The following LPP variants were observed in gnomAD, a reference collection of about 807,000 sequenced individuals.
The protein encoded by LPP is LIM domain containing preferred translocation partner in lipoma.
A neutral mutation model predicts 60.4 loss-of-function variants in LPP; 38 were observed. That is an observed-to-expected ratio of 0.63 (90% confidence interval 0.49 to 0.83). LPP has a LOEUF of 0.83. Among genes scored for constraint, LPP ranks in the 40% least tolerant of loss-of-function variants. The probability of loss-of-function intolerance (pLI) is 0.00; values close to 1 mark genes in which losing one functional copy is unlikely to be tolerated. For missense variants in LPP, 902 were observed against 783.6 expected (o/e 1.15, Z -1.80); for synonymous variants, 328 against 290.8 (o/e 1.13, Z -1.30).
intron 9 of LPP, among the ~76,000 whole-genome samples, chr3:188,816,530 T>C (rs1577740558): frequency 6.6e-6 from 1 of 151,182 alleles, no homozygotes; most frequent in Non-Finnish European, 1.5e-5. Flanking sequence ...TTCTGGGAGG[T>C]TTTTCTGACT....
In LPP at chr3:188,672,843, G is replaced by C. The variant is rs143398025; in HGVS notation, c.1114-35424G>C. ...TTTCTCTTTTAAAGGTCTAAACCCT[G>C]GGAGGAGAGGAACTGGAGGAATTGA... is the stretch of plus-strand genomic sequence containing the variant. On this transcript the variant is annotated intron_variant, in intron 7 of 11. Transcript: ENST00000617246. Among the ~76,000 whole-genome samples, 163 of 152,286 alleles carry C rather than the reference G, an allele frequency of 1.1e-3. 2 individuals are homozygous for C. Among genetic ancestry groups the C allele is most frequent in the African/African-American group, 3.8e-3 (158 of 41,560 alleles).
chr3:188,375,538 G>A (rs1458080627), intron 3 of LPP, among the ~76,000 whole-genome samples: 1 of 152,078 alleles, frequency 6.6e-6, no homozygotes, highest in African/African-American at 2.4e-5. Context: ...GTATTTCTGT[G>A]GGATTGGTGG....
chr3:188,811,651 G>A (rs28542784), intron 9 of LPP, among the ~76,000 whole-genome samples: 3,670 of 152,022 alleles, frequency 0.024, 49 homozygotes, highest in South Asian at 0.038. Flanking sequence ...CAGATCATGG[G>A]GTCCAAAACT....
rs903401799 is a variant in LPP, at chr3:188,352,050, C to T, written c.-10+10331C>T. Among the ~76,000 whole-genome samples the T allele has an allele frequency of 6.6e-6, 1 of 152,138 alleles. No homozygotes were observed. The highest frequency in any genetic ancestry group is 1.5e-5 in the Non-Finnish European group (1 of 68,034). Reference sequence around the variant, plus strand: ...GACCTCAACGTGTATTATTTCCTCCCCCCTTGTCATTTTTCTTCTATTACT... The same window carrying T: ...GACCTCAACGTGTATTATTTCCTCCTCCCTTGTCATTTTTCTTCTATTACT... On this transcript the variant is annotated intron_variant, in intron 3 of 11. Coordinates refer to ENST00000617246, the MANE Select transcript of LPP (RefSeq NM_001375462.1). The surrounding 1 kb of genome is among the most constrained non-coding windows in gnomAD (Gnocchi z 4.4).
At chr3:188,638,479 A>G (rs1439252710) in intron 7 of LPP, among the ~76,000 whole-genome samples, 10 of 139,964 alleles carry the variant, frequency 7.1e-5, no homozygotes, top group East Asian at 4.1e-4. Context: ...CTCTCTCACC[A>G]CTCCTATTCA....
At chr3:188,506,661 G>T (rs549452965) in intron 5 of LPP, among the ~76,000 whole-genome samples, 1 of 152,100 alleles carries the variant, frequency 6.6e-6, no homozygotes, top group Non-Finnish European at 1.5e-5. Context: ...AGGAGAGCTG[G>T]TCCTAACCAC....
chr3:188,402,816 G>T (rs1782557737), intron 3 of LPP, among the ~76,000 whole-genome samples: 1 of 152,182 alleles, frequency 6.6e-6, no homozygotes, highest in Non-Finnish European at 1.5e-5. Flanking sequence ...TATGCCGAAA[G>T]TACTAAAGAG....
upstream of LPP, chr3:188,154,105 C>T (rs1715278150): frequency 6.2e-6 from 1 of 161,990 alleles, no homozygotes; most frequent in South Asian, 1.7e-4. Flanking sequence ...GTGTGGGGCG[C>T]GGGGCCGGGC....
chr3:188,223,796 G>A (rs576673153), intron 1 of LPP, among the ~76,000 whole-genome samples: 10 of 152,196 alleles, frequency 6.6e-5, no homozygotes, highest in East Asian at 5.8e-4. Flanking sequence ...AACCTTTTTC[G>A]TTTGTTTTAT....
At chr3:188,435,430 A>G (rs180955413) in intron 4 of LPP, among the ~76,000 whole-genome samples, 201 of 152,308 alleles carry the variant, frequency 1.3e-3, no homozygotes, top group Non-Finnish European at 2.4e-3. Flanking sequence ...GTTTGATTAA[A>G]TAGTATTTGT....
intron 3 of LPP, among the ~76,000 whole-genome samples, chr3:188,362,151 A>T (rs78469801): frequency 0.14 from 21,652 of 152,012 alleles, 1,889 homozygotes; most frequent in African/African-American, 0.24. Context: ...TATTTGAACA[A>T]CCCTTTTGAA....
intron 7 of LPP, among the ~76,000 whole-genome samples, chr3:188,630,991 G>A (rs1847759462): frequency 6.6e-6 from 1 of 152,102 alleles, no homozygotes; most frequent in Non-Finnish European, 1.5e-5. Context: ...TGGTCACCAA[G>A]AGGGGAACAA....
chr3:188,279,690 T>A (rs1330821132), intron 2 of LPP, among the ~76,000 whole-genome samples: 5 of 152,250 alleles, frequency 3.3e-5, no homozygotes, highest in Non-Finnish European at 7.3e-5. Context: ...ATTATCTCAC[T>A]GGTTCAACAC....
At chr3:188,240,611 A>T (rs185109930) in intron 2 of LPP, among the ~76,000 whole-genome samples, 1 of 152,286 alleles carries the variant, frequency 6.6e-6, no homozygotes, top group Admixed American at 6.5e-5. Context: ...TTAGACCAGC[A>T]ACATATTTGG....
rs116595705 is a variant in LPP at position 188,169,788 on chromosome 3, C to T, written c.-190+15536C>T. Among the ~76,000 whole-genome samples the T allele has an allele frequency of 4.0e-3, 615 of 152,250 alleles. 6 individuals carry two copies. The highest frequency in any genetic ancestry group is 0.014 in the African/African-American group (584 of 41,542). On this transcript the variant is annotated intron_variant, in intron 1 of 11. Transcript: ENST00000617246. Reference sequence around the variant, plus strand: ...TGCTGTGGGCCGTGGACCCTGGCCACGAACCTCCCACAGCCCAGAAGGGGT... The same window carrying T: ...TGCTGTGGGCCGTGGACCCTGGCCATGAACCTCCCACAGCCCAGAAGGGGT...
intron 9 of LPP, among the ~76,000 whole-genome samples, chr3:188,800,995 G>A (rs1747080992): frequency 6.6e-6 from 1 of 152,146 alleles, no homozygotes; most frequent in Non-Finnish European, 1.5e-5. Context: ...GTTTCTTAGA[G>A]CAGCTGACTG....
chr3:188,747,009 A>G (rs1162769361), intron 8 of LPP, among the ~76,000 whole-genome samples: 1 of 152,214 alleles, frequency 6.6e-6, no homozygotes, highest in Non-Finnish European at 1.5e-5. Context: ...ATCTCATAAT[A>G]AAAACTGAAG....
chr3:188,378,902 T>G lies in LPP; in HGVS notation c.-9-27210T>G, dbSNP rs79728406. Among the ~76,000 whole-genome samples the G allele has an allele frequency of 3.8e-3, 584 of 152,330 alleles. 5 individuals are homozygous for G. The highest frequency in any genetic ancestry group is 0.013 in the African/African-American group (555 of 41,580). On this transcript the variant is annotated intron_variant, in intron 3 of 11. Transcript: ENST00000617246. ...ATCATTTTCATTCCACATGTATTTC[T>G]TTGTTTATTGAGTGCCTTCCATGTG...
At chr3:188,676,385 T>C (rs1858105567) in intron 7 of LPP, among the ~76,000 whole-genome samples, 1 of 152,142 alleles carries the variant, frequency 6.6e-6, no homozygotes, top group African/African-American at 2.4e-5. Context: ...TTTAGATAGG[T>C]AGAAGACAGG....
Sources: gnomAD v4.1 joint callset for allele counts (sites outside exome capture counted in the v4.1 genomes callset) on GRCh38, gnomAD v4.1.1 for gene constraint, Gnocchi (gnomAD v3.1) non-coding constraint, MANE v1.5 for transcripts, NCBI Gene and HGNC (gene_info 2026-07-23, HGNC 2026-07-21) for gene names.